Variants in ROBO2 observed in about 807,000 individuals in gnomAD.
ROBO2 encodes roundabout homolog 2.
A neutral mutation model predicts 160.8 loss-of-function variants in ROBO2; 53 were observed. The ratio of observed to expected loss-of-function variants is 0.33; its 90% CI spans 0.26 to 0.41. The LOEUF (loss-of-function observed/expected upper bound fraction) is 0.41. ROBO2 is among the 10% of genes least tolerant of loss of function. ROBO2 has a pLI of 1.00. For synonymous variants in ROBO2, 664 were observed against 611.7 expected, an observed-to-expected ratio of 1.09 and a Z score of -1.26; for missense variants, 1,577 against 1,722.4, an observed-to-expected ratio of 0.92 and a Z score of 1.49.
At chr3:77,615,831 A>C (rs2153701817) in intron 21 of ROBO2, among the ~76,000 whole-genome samples, 1 of 152,340 alleles carries the variant, frequency 6.6e-6, no homozygotes, top group African/African-American at 2.4e-5. Flanking sequence ...TTCAGCTTTT[A>C]AACAAAATAA....
At chr3:76,047,815 C>T (rs1030354415) in intron 2 of ROBO2, among the ~76,000 whole-genome samples, 1 of 152,162 alleles carries the variant, frequency 6.6e-6, no homozygotes, top group African/African-American at 2.4e-5. Flanking sequence ...ATAATCTAAT[C>T]TGCAGATTAC....
chr3:76,034,154 G>T (rs2067020379), intron 2 of ROBO2, among the ~76,000 whole-genome samples: 1 of 152,156 alleles, frequency 6.6e-6, no homozygotes. Context: ...TGGGTCATTT[G>T]CAGTGGCCTT....
At chr3:76,956,151 C>G (rs922511753) in intron 2 of ROBO2, among the ~76,000 whole-genome samples, 1 of 152,122 alleles carries the variant, frequency 6.6e-6, no homozygotes, top group African/African-American at 2.4e-5. Context: ...TGCTTCTTCC[C>G]TCTGGATATT....
chr3:77,023,953 G>A (rs2062795695), intron 2 of ROBO2, among the ~76,000 whole-genome samples: 1 of 152,062 alleles, frequency 6.6e-6, no homozygotes. Context: ...ATGCCTTATA[G>A]TTATAAATAG....
chr3:75,917,733 C>T lies in ROBO2; in HGVS notation c.-14+10773C>T, dbSNP rs142177561. On this transcript the variant is annotated intron_variant, in intron 1 of 26. Coordinates refer to the ROBO2 transcript ENST00000487694. ...GACTTTTTAATGATCACCATTCTAA[C>T]TGGTGTGAGATGGTATGTCATTGTG... Among the ~76,000 whole-genome samples the T allele has an allele frequency of 5.2e-3, 797 of 152,258 alleles. 9 individuals carry two copies. The highest frequency in any genetic ancestry group is 0.019 in the African/African-American group (774 of 41,546).
At chr3:76,655,756 GGAAGGAAGGAAA>G (rs1277343050) in intron 2 of ROBO2, among the ~76,000 whole-genome samples, 2 of 143,298 alleles carry the variant, frequency 1.4e-5, no homozygotes, top group Non-Finnish European at 3.0e-5. Context: ...AAAGAAGGAA[GGAAGGAAGGAAA>G]GAAGGAAGGA....
chr3:76,185,981 T>G (rs1423226450), intron 2 of ROBO2, among the ~76,000 whole-genome samples: 1 of 149,244 alleles, frequency 6.7e-6, no homozygotes, highest in Non-Finnish European at 1.5e-5. Context: ...TTGCCCAGGC[T>G]GGAGTGCAGG....
At chr3:76,870,498 T>G (rs1371118001) in intron 2 of ROBO2, among the ~76,000 whole-genome samples, 2 of 152,222 alleles carry the variant, frequency 1.3e-5, no homozygotes, top group Non-Finnish European at 2.9e-5. Context: ...TAAGCCCATT[T>G]CCATGAGATG....
intron 2 of ROBO2, chr3:76,434,135 A>G: frequency 8.3e-7 from 1 of 1,208,980 alleles, no homozygotes; most frequent in South Asian, 1.2e-5. Context: ...ATGTGCAAGC[A>G]TTTGACTCAC....
At position 75,967,268 on chromosome 3, in the gene ROBO2, C is replaced by A. The variant is rs58009515; in HGVS notation, c.109+29666C>A. Among the ~76,000 whole-genome samples, 650 of 151,636 alleles carry A rather than the reference C, an allele frequency of 4.3e-3. 33 individuals are homozygous for A. In the East Asian group the frequency reaches 0.11, roughly 27 times the overall value. ...TGCCAATTTGAGATAGTTCATATCC[C>A]AGGACTTTTTTTAGAATTGTCTATA... On this transcript the variant is annotated intron_variant, in intron 2 of 26. Transcript: ENST00000487694.
chr3:76,764,310 T>C (rs1168305698), intron 2 of ROBO2, among the ~76,000 whole-genome samples: 1 of 151,738 alleles, frequency 6.6e-6, no homozygotes, highest in Non-Finnish European at 1.5e-5. Flanking sequence ...AGCATTGTAT[T>C]GAGCATCCAT....
intron 2 of ROBO2, among the ~76,000 whole-genome samples, chr3:77,291,745 G>A (rs1443869297): frequency 6.6e-6 from 1 of 151,824 alleles, no homozygotes; most frequent in Non-Finnish European, 1.5e-5. Context: ...GGTAAGCTGA[G>A]GCTAGATCAC....
rs143762521 is a variant in ROBO2 at position 76,089,691 on chromosome 3, T to C, written c.109+152089T>C. Among the ~76,000 whole-genome samples, 827 of 152,288 alleles carry C rather than the reference T, an allele frequency of 5.4e-3. 11 individuals are homozygous for C. The highest frequency in any genetic ancestry group is 0.019 in the African/African-American group (799 of 41,570). The stretch of plus-strand genomic sequence containing the variant: ...AGAACTTTTTCAAGTTGATAAAGCA[T>C]ATCTGGAGAAAGATCTAAGTCTACA... On this transcript the variant is annotated intron_variant, in intron 2 of 26. Transcript: ENST00000487694.
chr3:76,761,378 T>G (rs1440420024), intron 2 of ROBO2, among the ~76,000 whole-genome samples: 1 of 151,734 alleles, frequency 6.6e-6, no homozygotes, highest in Non-Finnish European at 1.5e-5. Flanking sequence ...ACATTCCAGT[T>G]TGCCTGCGAG....
chr3:77,263,461 G>T (rs1305116540), intron 2 of ROBO2, among the ~76,000 whole-genome samples: 2 of 151,944 alleles, frequency 1.3e-5, no homozygotes, highest in African/African-American at 4.8e-5. Context: ...TGTGTCCATG[G>T]GTCCATATCA....
At chr3:76,155,171 C>T (rs750926698) in intron 2 of ROBO2, among the ~76,000 whole-genome samples, 7 of 152,076 alleles carry the variant, frequency 4.6e-5, no homozygotes, top group Non-Finnish European at 8.8e-5. Context: ...TGCTGTTTTG[C>T]AATCCCCAAT....
chr3:76,128,587 C>T (rs207463227), intron 2 of ROBO2, among the ~76,000 whole-genome samples: 2 of 116,150 alleles, frequency 1.7e-5, no homozygotes, highest in East Asian at 4.7e-4. Context: ...ACATTCTTTC[C>T]CTGAAGGATA....
intron 2 of ROBO2, among the ~76,000 whole-genome samples, chr3:77,399,161 G>A (rs1035823335): frequency 6.6e-6 from 1 of 152,012 alleles, no homozygotes; most frequent in Non-Finnish European, 1.5e-5. Flanking sequence ...AATACTTGGG[G>A]CAGTAAATGA....
chr3:76,538,210 GT>G (rs1254227195), intron 2 of ROBO2, among the ~76,000 whole-genome samples: 1 of 151,858 alleles, frequency 6.6e-6, no homozygotes, highest in Non-Finnish European at 1.5e-5. Flanking sequence ...GTGGGCAAGT[GT>G]ATGTATGCAG....
Sources: allele counts gnomAD v4.1 joint callset (sites outside exome capture counted in the v4.1 genomes callset), GRCh38; gene constraint gnomAD v4.1.1; transcripts MANE v1.5; gene names NCBI Gene and HGNC (gene_info 2026-07-23, HGNC 2026-07-21).